The following MRTFB variants were observed in gnomAD, a reference collection of about 807,000 sequenced individuals.
MRTFB encodes the protein myocardin-related transcription factor B.
Under a neutral mutation model 104.2 loss-of-function variants are expected in MRTFB, and 29 were observed. The observed-to-expected ratio is 0.28, with a 90% confidence interval of 0.21 to 0.38. MRTFB has a LOEUF of 0.38. MRTFB is among the 10% of genes least tolerant of loss of function. MRTFB has a pLI of 1.00. For missense variants in MRTFB, 1,270 were observed against 1,341.6 expected (o/e 0.95, Z 0.83); for synonymous variants, 535 against 519.5 (o/e 1.03, Z -0.41).
chr16:14,094,145 C>T (rs191535569), intron 2 of MRTFB, among the ~76,000 whole-genome samples: 3 of 152,240 alleles, frequency 2.0e-5, no homozygotes, highest in Non-Finnish European at 4.4e-5. Flanking sequence ...CAGAGTTTGT[C>T]TCTGGGCTTG....
chr16:14,146,392 T>C (rs2038316741), intron 3 of MRTFB, among the ~76,000 whole-genome samples: 1 of 152,246 alleles, frequency 6.6e-6, no homozygotes, highest in Non-Finnish European at 1.5e-5. Flanking sequence ...TTGTTAGGGT[T>C]TTGAGCTTAT....
At chr16:14,114,730 C>T (rs2036447711) in intron 2 of MRTFB, among the ~76,000 whole-genome samples, 2 of 152,174 alleles carry the variant, frequency 1.3e-5, no homozygotes, top group African/African-American at 2.4e-5. Context: ...TTTTCAGGGA[C>T]GTCTTTGTAG....
chr16:14,225,140 C>G (rs149559382), intron 8 of MRTFB, among the ~76,000 whole-genome samples: 1 of 152,226 alleles, frequency 6.6e-6, no homozygotes, highest in East Asian at 1.9e-4. Context: ...GAGCCATGAT[C>G]GCGCCATTGC....
intron 2 of MRTFB, among the ~76,000 whole-genome samples, chr16:14,127,587 G>A (rs1189939669): frequency 1.3e-5 from 2 of 149,784 alleles, no homozygotes; most frequent in East Asian, 3.9e-4. Flanking sequence ...AGGTTGCAGT[G>A]AGCCGAGATC....
At chr16:14,254,784 G>A (rs894150658) in intron 15 of MRTFB, among the ~76,000 whole-genome samples, 9 of 152,212 alleles carry the variant, frequency 5.9e-5, no homozygotes, top group African/African-American at 2.2e-4. Flanking sequence ...TCCATAACAT[G>A]CATCATACAA....
At chr16:14,081,076 C>G (rs1391353300) in intron 2 of MRTFB, among the ~76,000 whole-genome samples, 1 of 152,160 alleles carries the variant, frequency 6.6e-6, no homozygotes, top group African/African-American at 2.4e-5. Flanking sequence ...CAGAAACCCC[C>G]ACACTGTTTT....
At chr16:14,055,210 G>T in the MRTFB span, among the ~76,000 whole-genome samples, 3 of 152,160 alleles carry the variant, frequency 2.0e-5, no homozygotes, top group African/African-American at 7.2e-5. Flanking sequence ...AATTAGCTGG[G>T]CATGGTGGCA....
At chr16:14,019,528 A>C in the MRTFB span, 1 of 152,122 alleles carries the variant, frequency 6.6e-6, no homozygotes, top group Non-Finnish European at 1.5e-5. Flanking sequence ...GTTTTTTTTC[A>C]TATACGAAAT....
intron 8 of MRTFB, among the ~76,000 whole-genome samples, chr16:14,222,276 TC>T (rs921629235): frequency 6.6e-6 from 1 of 152,210 alleles, no homozygotes; most frequent in African/African-American, 2.4e-5. Flanking sequence ...TATTTATTAC[TC>T]ATTTTGTGCT....
intron 2 of MRTFB, among the ~76,000 whole-genome samples, chr16:14,105,625 C>G (rs775445609): frequency 6.6e-6 from 1 of 152,210 alleles, no homozygotes; most frequent in South Asian, 2.1e-4. Flanking sequence ...TCTCAAACTC[C>G]TGGCCTTAAG....
the MRTFB span, among the ~76,000 whole-genome samples, chr16:14,010,317 T>G: frequency 1.3e-5 from 2 of 152,180 alleles, no homozygotes; most frequent in East Asian, 3.9e-4. Flanking sequence ...TGCTATGATA[T>G]GATTTATTTT....
At chr16:14,138,351 A>T (rs1282330968) in intron 2 of MRTFB, among the ~76,000 whole-genome samples, 2 of 152,142 alleles carry the variant, frequency 1.3e-5, no homozygotes, top group Non-Finnish European at 2.9e-5. Context: ...CTGAAATCTA[A>T]GTTTTTATCT....
At chr16:14,226,470 G>T (rs2042006287) in intron 8 of MRTFB, among the ~76,000 whole-genome samples, 1 of 152,064 alleles carries the variant, frequency 6.6e-6, no homozygotes, top group Non-Finnish European at 1.5e-5. Context: ...GGGAAAACTG[G>T]ATATCCACAT....
chr16:14,033,867 G>A, the MRTFB span, among the ~76,000 whole-genome samples: 5 of 149,306 alleles, frequency 3.3e-5, no homozygotes, highest in South Asian at 1.1e-3. Flanking sequence ...AGAAGAAGAA[G>A]AAATTTTAAA....
In MRTFB at chr16:14,262,802, T is replaced by G. The variant is rs2043820186; in HGVS notation, c.*1358T>G. 6.6e-6 allele frequency: 1 copy of G among 152,218 alleles called. No homozygotes were observed. The allele number at this position is 152,218 out of a possible 1,614,324, so 9.4% of individuals were successfully genotyped here. A position where few individuals can be genotyped will look rare whatever the true frequency, so the allele number is the denominator to read the frequency against. ...TGACAAAATGTAAATAACAAAAAAC[T>G]GAAATCTACCAAAAGAGCATGGAGA... On this transcript the variant is annotated 3_prime_UTR_variant, in exon 17 of 17. Transcript: ENST00000571589.
rs115143821 is a variant in MRTFB, at chr16:14,234,151, T to C, written c.699T>C (p.Ala233=). ...PVTTNTPAQF[A]SVSPTVPEFL... ...CTTTTTGCCTTTTCCACCAGTTTGC[T>C]TCAGTGTCCCCAACAGTTCCTGAAT... Residue 233 remains alanine, a synonymous_variant, in exon 9 of 17, where the codon GCT becomes GCC. Transcript: ENST00000571589. The C allele has an allele frequency of 2.9e-4, 468 of 1,613,328 alleles. No individual in the cohort carries two copies. In the African/African-American group the frequency reaches 5.3e-3, roughly 18 times the overall value.
intron 2 of MRTFB, among the ~76,000 whole-genome samples, chr16:14,081,473 A>G (rs2034396415): frequency 6.6e-6 from 1 of 152,002 alleles, no homozygotes; most frequent in Non-Finnish European, 1.5e-5. Context: ...TTGTATTTTT[A>G]GTAGAGACGG....
At chr16:14,237,594 G>C (rs1477964817) in intron 9 of MRTFB, among the ~76,000 whole-genome samples, 1 of 152,184 alleles carries the variant, frequency 6.6e-6, no homozygotes, top group African/African-American at 2.4e-5. Flanking sequence ...TAGACTGTAG[G>C]GTCAAGGAAG....
chr16:14,216,345 ACAC>A (rs1202843221), intron 6 of MRTFB, among the ~76,000 whole-genome samples: 2 of 152,256 alleles, frequency 1.3e-5, no homozygotes, highest in Non-Finnish European at 2.9e-5. Flanking sequence ...TTTTGGGTAG[ACAC>A]CACATCATTA....
Sources: gnomAD v4.1 joint callset for allele counts (sites outside exome capture counted in the v4.1 genomes callset) on GRCh38, gnomAD v4.1.1 for gene constraint, MANE v1.5 for transcripts, NCBI Gene and HGNC (gene_info 2026-07-23, HGNC 2026-07-21) for gene names.